CFAP61: variants seen among roughly 807,000 people sequenced by gnomAD.
CFAP61 encodes cilia and flagella associated protein 61.
Under a neutral mutation model 135.6 loss-of-function variants are expected in CFAP61, and 107 were observed. The observed-to-expected ratio is 0.79, with a 90% CI of 0.67 to 0.93. The LOEUF (loss-of-function observed/expected upper bound fraction) is 0.93. Ranked by LOEUF, CFAP61 falls within the 40% of genes least tolerant of loss-of-function variation. CFAP61 has a pLI of 0.00. For synonymous variants in CFAP61, 575 were observed against 578.5 expected (o/e 0.99, Z 0.09); for missense variants, 1,507 against 1,556.2 (o/e 0.97, Z 0.53).
At chr20:20,277,521 G>T in intron 22 of CFAP61, 63 bp downstream of exon 22, 1 of 1,502,732 alleles carries the variant, frequency 6.7e-7, no homozygotes, top group Non-Finnish European at 9.0e-7. Context: ...CAAGGGATTT[G>T]GGGGTCTGGA....
intron 8 of CFAP61, among the ~76,000 whole-genome samples, chr20:20,141,675 A>G (rs1023715165): frequency 1.3e-5 from 2 of 152,196 alleles, no homozygotes; most frequent in Non-Finnish European, 2.9e-5. Context: ...CTTTGCCAGA[A>G]GTAAGTATAA....
Position 20,289,248 on chromosome 20 carries a change from A to G in CFAP61, c.3124+312A>G, listed in dbSNP as rs561636703. ...TGTCTGGATGTCTCACAGCTGGAAA[A>G]TGATGGTTTGCCCTGACATCTTACC... is the stretch of plus-strand genomic sequence containing the variant. On this transcript the variant is annotated intron_variant, in intron 23 of 26. Coordinates refer to ENST00000245957, the MANE Select transcript of CFAP61 (RefSeq NM_015585.4). Among the ~76,000 whole-genome samples the G allele has an allele frequency of 9.8e-5, 15 of 152,342 alleles. 1 individual carries two copies. The South Asian group carries it at 3.1e-3, about 32-fold the overall frequency.
In CFAP61 at chr20:20,111,876, G is replaced by A. The variant is rs1445952153; in HGVS notation, c.859+13062G>A. Among the ~76,000 whole-genome samples the A allele has an allele frequency of 2.2e-4, 33 of 152,052 alleles. 1 individual carries two copies. The highest frequency in any genetic ancestry group is 2.9e-5 in the Non-Finnish European group (2 of 68,022). ...AATGTAATTAATTCTTGTTCTGCTT[G>A]ATCTAAGGTTAGTAGTTTTTTATGA... On this transcript the variant is annotated intron_variant, in intron 8 of 26. Transcript: ENST00000245957.
chr20:20,334,784 A>G (rs1327500153), intron 25 of CFAP61, among the ~76,000 whole-genome samples: 1 of 152,224 alleles, frequency 6.6e-6, no homozygotes, highest in Non-Finnish European at 1.5e-5. Flanking sequence ...AAAGCAATCA[A>G]AAAATTGACT....
At chr20:20,254,859 G>T (rs1308747319) in intron 20 of CFAP61, among the ~76,000 whole-genome samples, 1 of 152,150 alleles carries the variant, frequency 6.6e-6, no homozygotes, top group Non-Finnish European at 1.5e-5. Flanking sequence ...ATATCCAAAT[G>T]CACATCGCTA....
intron 26 of CFAP61, among the ~76,000 whole-genome samples, chr20:20,357,937 G>A (rs1269001741): frequency 8.9e-3 from 831 of 93,794 alleles, no homozygotes; most frequent in Middle Eastern, 0.025. Flanking sequence ...TCACACTGAG[G>A]GAAGGTGGTC....
chr20:20,350,680 A>C (rs1192383566), intron 26 of CFAP61, among the ~76,000 whole-genome samples: 4 of 152,210 alleles, frequency 2.6e-5, no homozygotes, highest in African/African-American at 9.7e-5. Context: ...TATTCTAATG[A>C]TTGCTTGTAC....
chr20:20,281,201 T>C (rs1485731772), intron 22 of CFAP61, among the ~76,000 whole-genome samples: 1 of 152,194 alleles, frequency 6.6e-6, no homozygotes, highest in Non-Finnish European at 1.5e-5. Context: ...TAGAGGCAGT[T>C]TTACTACTTC....
At chr20:20,338,779 A>C (rs1243609624) in intron 25 of CFAP61, among the ~76,000 whole-genome samples, 2 of 152,244 alleles carry the variant, frequency 1.3e-5, no homozygotes, top group Admixed American at 1.3e-4. Context: ...ATCCCCACTC[A>C]GTTCATGAGT....
chr20:20,140,668 G>A (rs533517228), intron 8 of CFAP61, among the ~76,000 whole-genome samples: 2 of 152,044 alleles, frequency 1.3e-5, no homozygotes, highest in South Asian at 4.2e-4. Context: ...ATTCCTCAGG[G>A]ATCTAGAACT....
intron 18 of CFAP61, among the ~76,000 whole-genome samples, chr20:20,244,086 A>G (rs559777617): frequency 3.9e-4 from 60 of 152,270 alleles, no homozygotes; most frequent in Middle Eastern, 3.4e-3. Flanking sequence ...GTGGCTTTGC[A>G]GGGTACAGCC....
rs1244777095 is a variant in CFAP61 at position 20,091,972 on chromosome 20, G to A, written c.699+996G>A. 7.9e-5 allele frequency among the ~76,000 whole-genome samples: 12 copies of A among 152,260 alleles called. No homozygotes were observed. In the East Asian group the frequency reaches 1.5e-3, roughly 20 times the overall value. ...GCTGGGATTACAGGCGTGAGCCACC[G>A]TGCCCAGCTAGTTCCTGCAATTCTT... On this transcript the variant is annotated intron_variant, in intron 7 of 26. Transcript: ENST00000245957.
intron 2 of CFAP61, among the ~76,000 whole-genome samples, chr20:20,067,625 C>T (rs370053307): frequency 2.1e-5 from 3 of 143,268 alleles, no homozygotes; most frequent in South Asian, 2.2e-4. Flanking sequence ...CTGGGTGACA[C>T]AGCGAGACTC....
At chr20:20,247,527 G>A (rs751434226) in intron 19 of CFAP61, among the ~76,000 whole-genome samples, 15 of 152,196 alleles carry the variant, frequency 9.9e-5, no homozygotes, top group Non-Finnish European at 2.1e-4. Flanking sequence ...TATCCAATAT[G>A]GTGGCCACTA....
intron 8 of CFAP61, among the ~76,000 whole-genome samples, chr20:20,122,260 T>A (rs1332580542): frequency 1.3e-5 from 2 of 152,102 alleles, no homozygotes; most frequent in East Asian, 3.9e-4. Flanking sequence ...TTCAAGTGAT[T>A]CTCCTGCCTC....
In CFAP61 at chr20:20,074,184, AC is replaced by A. The variant is rs2045905754; in HGVS notation, c.295-115del. ...TGCATCACTTAGACATAAAATATCAACCCTAAATGCCAGGCTGTTCTGTGTC... is the reference window on the plus strand; with the variant it reads ...TGCATCACTTAGACATAAAATATCAACCTAAATGCCAGGCTGTTCTGTGTC... On this transcript the variant is annotated intron_variant, in intron 3 of 26. Transcript: ENST00000245957. 7 of 793,310 alleles carry A rather than the reference AC, an allele frequency of 8.8e-6. No individual in the cohort carries two copies. In the South Asian group the frequency reaches 1.0e-4, roughly 12 times the overall value. 49.1% of individuals were successfully genotyped at this position (793,310 alleles called of 1,614,324 possible).
intron 7 of CFAP61, among the ~76,000 whole-genome samples, chr20:20,096,303 T>G (rs538451406): frequency 6.6e-6 from 1 of 152,370 alleles, no homozygotes; most frequent in East Asian, 1.9e-4. Flanking sequence ...TGTTGTAGTC[T>G]GTAATTGTGA....
At chr20:20,108,635 T>G (rs1390474843) in intron 8 of CFAP61, among the ~76,000 whole-genome samples, 1 of 152,030 alleles carries the variant, frequency 6.6e-6, no homozygotes, top group Non-Finnish European at 1.5e-5. Context: ...AGGGCTGGAG[T>G]CATAGAAGTG....
chr20:20,196,532 A>C (rs1235042238), intron 15 of CFAP61, 38 bp from the exon 16 acceptor site: 1 of 1,466,526 alleles, frequency 6.8e-7, no homozygotes, highest in Non-Finnish European at 9.6e-7. Context: ...GTTTGTTTAA[A>C]ATGCTTGTAG....
Sources: allele counts gnomAD v4.1 joint callset (sites outside exome capture counted in the v4.1 genomes callset), GRCh38; gene constraint gnomAD v4.1.1; transcripts MANE v1.5; gene names NCBI Gene and HGNC (gene_info 2026-07-23, HGNC 2026-07-21).